The following UBE2E2 variants were observed in gnomAD, a reference collection of about 807,000 sequenced individuals.
UBE2E2 encodes ubiquitin conjugating enzyme E2 E2.
A neutral mutation model predicts 24.7 loss-of-function variants in UBE2E2; 6 were observed. The ratio of observed to expected loss-of-function variants is 0.24; its 90% confidence interval spans 0.13 to 0.48. The LOEUF (loss-of-function observed/expected upper bound fraction) is 0.48, where lower values mean the gene tolerates loss of function less well. UBE2E2 is among the 20% of genes least tolerant of loss of function. UBE2E2 has a pLI of 0.99. For missense variants in UBE2E2, 169 were observed against 245.0 expected, an observed-to-expected ratio of 0.69 and a Z score of 2.07; for synonymous variants, 104 against 83.6, an observed-to-expected ratio of 1.24 and a Z score of -1.33.
intron 3 of UBE2E2, among the ~76,000 whole-genome samples, chr3:23,229,697 C>G (rs1175517395): frequency 6.6e-6 from 1 of 152,198 alleles, no homozygotes; most frequent in East Asian, 1.9e-4. Context: ...TTTAGGTGAA[C>G]TGCTCTAGAA....
At chr3:23,446,952 G>A (rs567799496) in intron 3 of UBE2E2, among the ~76,000 whole-genome samples, 2 of 152,136 alleles carry the variant, frequency 1.3e-5, no homozygotes, top group East Asian at 1.9e-4. Context: ...CAAAAAGTTT[G>A]GGATTTCCCT....
At chr3:23,478,424 A>G (rs1041132321) in intron 3 of UBE2E2, among the ~76,000 whole-genome samples, 3 of 152,236 alleles carry the variant, frequency 2.0e-5, no homozygotes, top group Admixed American at 6.5e-5. Context: ...ACAATTAGAG[A>G]GTGATAGAAG....
intron 3 of UBE2E2, among the ~76,000 whole-genome samples, chr3:23,284,026 A>G (rs780227566): frequency 6.6e-6 from 1 of 152,206 alleles, no homozygotes; most frequent in South Asian, 2.1e-4. Flanking sequence ...CAATTTGGCC[A>G]TGTTAGGAAT....
intron 3 of UBE2E2, among the ~76,000 whole-genome samples, chr3:23,291,736 G>T (rs1247326391): frequency 4.3e-5 from 6 of 141,082 alleles, no homozygotes; most frequent in African/African-American, 1.6e-4. Flanking sequence ...AGGCTGGAGT[G>T]CAGTGGCACG....
chr3:23,395,850 G>T (rs1218647684), intron 3 of UBE2E2, among the ~76,000 whole-genome samples: 1 of 152,114 alleles, frequency 6.6e-6, no homozygotes, highest in Non-Finnish European at 1.5e-5. Context: ...GAAAGACTTA[G>T]TAAAATTTGT....
At chr3:23,203,261 G>A, upstream of UBE2E2, 1 of 988,556 alleles carries the variant, frequency 1.0e-6, no homozygotes, top group Non-Finnish European at 1.2e-6. Context: ...GCGGCGCTGA[G>A]GGTGAGTCCG....
chr3:23,383,997 GT>G, intron 3 of UBE2E2, among the ~76,000 whole-genome samples: 1 of 152,112 alleles, frequency 6.6e-6, no homozygotes, highest in South Asian at 2.1e-4. Context: ...GATGGTTTGT[GT>G]TTTGTTTTGT....
intron 3 of UBE2E2, among the ~76,000 whole-genome samples, chr3:23,443,328 A>G (rs1559385209): frequency 1.3e-5 from 2 of 152,234 alleles, no homozygotes; most frequent in Non-Finnish European, 2.9e-5. Flanking sequence ...ATTAGGGAAC[A>G]TAATCCCAAG....
chr3:23,384,058 C>T (rs1289632528), intron 3 of UBE2E2, among the ~76,000 whole-genome samples: 1 of 152,108 alleles, frequency 6.6e-6, no homozygotes, highest in African/African-American at 2.4e-5. Context: ...TACAGTGATG[C>T]AACCATAGCT....
chr3:23,570,959 C>T (rs1014526580), intron 5 of UBE2E2, among the ~76,000 whole-genome samples: 2 of 152,018 alleles, frequency 1.3e-5, no homozygotes, highest in Non-Finnish European at 2.9e-5. Flanking sequence ...TAAATCAAGT[C>T]CTGATTTTGT....
intron 3 of UBE2E2, among the ~76,000 whole-genome samples, chr3:23,459,381 T>C (rs1442083531): frequency 6.6e-6 from 1 of 152,242 alleles, no homozygotes. Flanking sequence ...TTGTTACTGA[T>C]ACATATAGTT....
intron 3 of UBE2E2, among the ~76,000 whole-genome samples, chr3:23,342,756 A>G (rs1417870195): frequency 6.6e-6 from 1 of 152,222 alleles, no homozygotes; most frequent in Non-Finnish European, 1.5e-5. Context: ...CCCTGCGTTG[A>G]TCAGGTGAAT....
At chr3:23,544,451 G>A (rs1306022387) in intron 5 of UBE2E2, among the ~76,000 whole-genome samples, 1 of 152,176 alleles carries the variant, frequency 6.6e-6, no homozygotes, top group Non-Finnish European at 1.5e-5. Flanking sequence ...ATGTAAAACT[G>A]CTCAACATTA....
chr3:23,498,106 C>CT (rs1314989973), intron 3 of UBE2E2, among the ~76,000 whole-genome samples: 13 of 151,792 alleles, frequency 8.6e-5, no homozygotes, highest in Admixed American at 8.5e-4. Flanking sequence ...ATGTCTATGT[C>CT]TTTTTTAATA....
At chr3:23,206,114 A>G (rs540395529) in intron 1 of UBE2E2, among the ~76,000 whole-genome samples, 10 of 152,352 alleles carry the variant, frequency 6.6e-5, no homozygotes, top group African/African-American at 2.2e-4. Context: ...TTTAAAATGT[A>G]TAAAATGATT....
chr3:23,373,469 A>G (rs1696444433), intron 3 of UBE2E2, among the ~76,000 whole-genome samples: 1 of 152,108 alleles, frequency 6.6e-6, no homozygotes, highest in African/African-American at 2.4e-5. Flanking sequence ...CCAGGTGCCA[A>G]AGACACTCTG....
chr3:23,438,224 G>A (rs899249928), intron 3 of UBE2E2, among the ~76,000 whole-genome samples: 1 of 152,166 alleles, frequency 6.6e-6, no homozygotes, highest in Non-Finnish European at 1.5e-5. Flanking sequence ...AAGTAAAGGT[G>A]CAGAGTTGAG....
chr3:23,405,273 A>C (rs539350246), intron 3 of UBE2E2, among the ~76,000 whole-genome samples: 1 of 152,146 alleles, frequency 6.6e-6, no homozygotes, highest in Non-Finnish European at 1.5e-5. Flanking sequence ...ATCATTTTTT[A>C]AAAAATGCCA....
intron 3 of UBE2E2, among the ~76,000 whole-genome samples, chr3:23,273,065 A>G (rs1316386677): frequency 1.3e-5 from 2 of 152,160 alleles, no homozygotes; most frequent in African/African-American, 4.8e-5. Context: ...AAACACCCTC[A>G]CAGACACACT....
Sources: allele counts gnomAD v4.1 joint callset (sites outside exome capture counted in the v4.1 genomes callset), GRCh38; gene constraint gnomAD v4.1.1; transcripts MANE v1.5; gene names NCBI Gene and HGNC (gene_info 2026-07-23, HGNC 2026-07-21).